The following CYSTM1 variants were observed in gnomAD, a reference collection of about 807,000 sequenced individuals.
CYSTM1 encodes the protein cysteine rich transmembrane module containing 1.
In CYSTM1, 4 loss-of-function variants were observed where a neutral mutation model predicts 13.1. The ratio of observed to expected loss-of-function variants is 0.31; its 90% confidence interval spans 0.15 to 0.70. The LOEUF (loss-of-function observed/expected upper bound fraction) is 0.70. Ranked by LOEUF, CYSTM1 falls within the 30% of genes least tolerant of loss-of-function variation. The probability of loss-of-function intolerance (pLI) is 0.72; values close to 1 mark genes in which losing one functional copy is unlikely to be tolerated. For missense variants in CYSTM1, 96 were observed against 121.6 expected (o/e 0.79, Z 0.99); for synonymous variants, 36 against 42.7 (o/e 0.84, Z 0.62).
At chr5:140,235,490 C>T (rs1764670055) in intron 2 of CYSTM1, among the ~76,000 whole-genome samples, 2 of 150,746 alleles carry the variant, frequency 1.3e-5, no homozygotes, top group Admixed American at 1.3e-4. Context: ...ACTGCAAGCT[C>T]TGCCTCCTGG....
chr5:140,186,093 A>G (rs1403074772), intron 1 of CYSTM1, among the ~76,000 whole-genome samples: 1 of 152,130 alleles, frequency 6.6e-6, no homozygotes, highest in Non-Finnish European at 1.5e-5. Context: ...AATTTTATTT[A>G]TATTAATAGC....
intron 1 of CYSTM1, among the ~76,000 whole-genome samples, chr5:140,193,057 T>C (rs956011270): frequency 1.1e-4 from 16 of 152,248 alleles, no homozygotes; most frequent in African/African-American, 3.9e-4. Context: ...TAGGAATTTG[T>C]TGATTGCCTG....
At chr5:140,212,983 GTATATA>G (rs150669111) in intron 2 of CYSTM1, among the ~76,000 whole-genome samples, 22,237 of 114,234 alleles carry the variant, frequency 0.19, 2,588 homozygotes, top group South Asian at 0.32. Flanking sequence ...CAAAACAAAA[GTATATA>G]TATATATATA....
chr5:140,210,548 C>G (rs1489931978), intron 2 of CYSTM1, among the ~76,000 whole-genome samples: 1 of 150,732 alleles, frequency 6.6e-6, no homozygotes, highest in African/African-American at 2.4e-5. Context: ...GGGTCTTGCT[C>G]TGTTGCCCAG....
chr5:140,194,284 T>A (rs1400979386), intron 1 of CYSTM1, among the ~76,000 whole-genome samples, 162 bp from the exon 2 acceptor site: 2 of 152,120 alleles, frequency 1.3e-5, no homozygotes, highest in African/African-American at 4.8e-5. Flanking sequence ...AATTGCCAAT[T>A]ATAGTGATGG....
intron 2 of CYSTM1, among the ~76,000 whole-genome samples, chr5:140,211,163 G>A (rs1455693434): frequency 1.3e-5 from 2 of 152,204 alleles, no homozygotes; most frequent in African/African-American, 4.8e-5. Context: ...TAGTTATTAT[G>A]TGTCAAGCAC....
chr5:140,195,778 C>T (rs868181748), intron 2 of CYSTM1, among the ~76,000 whole-genome samples: 1 of 148,906 alleles, frequency 6.7e-6, no homozygotes, highest in Non-Finnish European at 1.5e-5. Context: ...GGCACAGTGG[C>T]TCATGCCTGT....
intron 2 of CYSTM1, among the ~76,000 whole-genome samples, chr5:140,241,731 C>G (rs1257623218): frequency 6.6e-6 from 1 of 152,136 alleles, no homozygotes; most frequent in Non-Finnish European, 1.5e-5. Flanking sequence ...AAGGGACACT[C>G]TGCCTGGGGC....
chr5:140,222,805 T>C (rs1249264344), intron 2 of CYSTM1, among the ~76,000 whole-genome samples: 2 of 152,232 alleles, frequency 1.3e-5, no homozygotes, highest in Non-Finnish European at 2.9e-5. Context: ...TTTAGGAACT[T>C]AGAGTCTAGT....
intron 1 of CYSTM1, among the ~76,000 whole-genome samples, chr5:140,187,542 A>G (rs569700218): frequency 1.3e-5 from 2 of 151,998 alleles, no homozygotes; most frequent in African/African-American, 2.4e-5. Context: ...CAATTTTCCT[A>G]TTTTTTATAG....
At chr5:140,187,852 T>C (rs1345441012) in intron 1 of CYSTM1, among the ~76,000 whole-genome samples, 1 of 151,986 alleles carries the variant, frequency 6.6e-6, no homozygotes, top group Non-Finnish European at 1.5e-5. Flanking sequence ...GACTTTTTGG[T>C]TTGAAGCAGA....
intron 2 of CYSTM1, among the ~76,000 whole-genome samples, chr5:140,221,876 T>C (rs1581069495): frequency 6.6e-6 from 1 of 152,246 alleles, no homozygotes; most frequent in Non-Finnish European, 1.5e-5. Flanking sequence ...TTTTGATATT[T>C]GATAGGCTTT....
In CYSTM1 at chr5:140,219,050, A is replaced by G. The variant is rs1019683585; in HGVS notation, c.188-24255A>G. 5.9e-5 allele frequency among the ~76,000 whole-genome samples: 9 copies of G among 152,150 alleles called. No homozygotes were observed. The highest frequency in any genetic ancestry group is 2.2e-4 in the African/African-American group (9 of 41,430). On this transcript the variant is annotated intron_variant, in intron 2 of 2. Coordinates refer to ENST00000261811, the MANE Select transcript of CYSTM1 (RefSeq NM_032412.4). This position sits in a 1 kb window ranked among gnomAD's most constrained non-coding sequence, Gnocchi z 4.1. ...TTCAGTGACAAGCTGGCCAAGCCTG[A>G]TAGAGTTCACCATGGAAGGGAGTTG...
At chr5:140,202,507 G>C (rs1764245303) in intron 2 of CYSTM1, 1 of 152,188 alleles carries the variant, frequency 6.6e-6, no homozygotes, top group Non-Finnish European at 1.5e-5. Context: ...CCATAATTTG[G>C]ACAGGGCTTG....
Position 140,243,388 on chromosome 5 carries a change from T to C in CYSTM1, c.271T>C (p.Cys91Arg), listed in dbSNP as rs531787384. The change falls in exon 3 of 3, where the codon TGT (cysteine) becomes CGT (arginine). Residue 91 changes from cysteine to arginine, a missense_variant. By Grantham distance (180) the Cys-to-Arg change is radical. Transcript: ENST00000261811. ...CTGCTGGACGGCTCTCTGTTGCTGC[T>C]GTCTCTGGGACATGCTCACCTGACC... ...TACWTALCCC[C>R]LWDMLT 6 of 1,614,110 alleles carry C rather than the reference T, an allele frequency of 3.7e-6. No individual in the cohort carries two copies. Among genetic ancestry groups the C allele is most frequent in the Non-Finnish European group, 5.1e-6 (6 of 1,180,004 alleles).
chr5:140,225,945 C>A (rs1764544526), intron 2 of CYSTM1, among the ~76,000 whole-genome samples: 1 of 152,196 alleles, frequency 6.6e-6, no homozygotes, highest in Non-Finnish European at 1.5e-5. Context: ...CCTAGAATAG[C>A]CTGTGACTCT....
In CYSTM1 at chr5:140,239,465, G is replaced by C. The variant is rs1273220878; in HGVS notation, c.188-3840G>C. ...GTGGCCAAAGTGGCAGTGGGCACTG[G>C]TGGCCCTGGAGAAGACCCCAGGGCT... On this transcript the variant is annotated intron_variant, in intron 2 of 2. Coordinates refer to ENST00000261811, the MANE Select transcript of CYSTM1 (RefSeq NM_032412.4). The surrounding 1 kb of genome is among the most constrained non-coding windows in gnomAD (Gnocchi z 5.4). Among the ~76,000 whole-genome samples the C allele has an allele frequency of 2.0e-5, 3 of 152,198 alleles. No homozygotes were observed. The highest frequency in any genetic ancestry group is 4.4e-5 in the Non-Finnish European group (3 of 68,030).
At chr5:140,180,051 A>C (rs1197078714) in intron 1 of CYSTM1, among the ~76,000 whole-genome samples, 1 of 152,192 alleles carries the variant, frequency 6.6e-6, no homozygotes, top group Non-Finnish European at 1.5e-5. Context: ...AGGCTGTGGA[A>C]CTGGCAGCCT....
intron 2 of CYSTM1, among the ~76,000 whole-genome samples, chr5:140,208,926 C>G (rs1490803766): frequency 5.9e-5 from 9 of 151,642 alleles, no homozygotes; most frequent in Non-Finnish European, 1.5e-5. Flanking sequence ...GTAGTCCCAG[C>G]TACTCGGGAA....
Sources: gnomAD v4.1 joint callset for allele counts (sites outside exome capture counted in the v4.1 genomes callset) on GRCh38, gnomAD v4.1.1 for gene constraint, Gnocchi (gnomAD v3.1) non-coding constraint, MANE v1.5 for transcripts, NCBI Gene and HGNC (gene_info 2026-07-23, HGNC 2026-07-21) for gene names.